Variants in RIMS1 observed in about 807,000 individuals in gnomAD.
RIMS1 encodes the protein regulating synaptic membrane exocytosis 1.
Under a neutral mutation model 214.1 loss-of-function variants are expected in RIMS1, and 83 were observed. The ratio of observed to expected loss-of-function variants is 0.39; its 90% CI spans 0.32 to 0.47. The LOEUF is 0.47. RIMS1 is among the 20% of genes least tolerant of loss of function. The probability of loss-of-function intolerance (pLI) is 0.99; values close to 1 mark genes in which losing one functional copy is unlikely to be tolerated. For missense variants in RIMS1, 2,050 were observed against 2,161.8 expected (o/e 0.95, Z 1.03); for synonymous variants, 793 against 786.8 (o/e 1.01, Z -0.13).
At chr6:72,269,503 A>G (rs1255927982) in intron 22 of RIMS1, among the ~76,000 whole-genome samples, 1 of 152,164 alleles carries the variant, frequency 6.6e-6, no homozygotes, top group African/African-American at 2.4e-5. Context: ...TGTCAGGCCT[A>G]AATTTCTAAA....
chr6:72,182,432 A>G lies in RIMS1; in HGVS notation c.961A>G (p.Lys321Glu), dbSNP rs2048522220. ...AAGGCGGGAAAGCCGAAGGCTTGAG[A>G]AAGGGCGATCACAGGATTACCCAGA... ...KERRESRRLE[K>E]GRSQDYPDTP... Residue 321 changes from lysine (K) to glutamate (E), a missense_variant, in exon 6 of 34, where the codon AAA becomes GAA. Lys to Glu is a moderately conservative substitution (Grantham distance 56). Around this residue, in one of 6 missense-constraint regions of RIMS1, gnomAD observed 882 missense variants for 828.9 expected, o/e 1.06. Transcript: ENST00000521978. 3 of 1,613,964 alleles carry G rather than the reference A, an allele frequency of 1.9e-6. No homozygotes were observed. The highest frequency in any genetic ancestry group is 2.5e-6 in the Non-Finnish European group (3 of 1,179,870).
chr6:72,294,828 A>G (rs1462674609), intron 26 of RIMS1, among the ~76,000 whole-genome samples: 1 of 151,778 alleles, frequency 6.6e-6, no homozygotes, highest in Non-Finnish European at 1.5e-5. Flanking sequence ...ATTATGTTGA[A>G]GTAGATTTAG....
intron 2 of RIMS1, among the ~76,000 whole-genome samples, chr6:72,072,138 G>T (rs1830718597): frequency 6.6e-6 from 1 of 152,134 alleles, no homozygotes. Context: ...ATGTTGAAGG[G>T]ATTTAAGGAT....
At chr6:71,945,751 CT>C (rs397776439) in intron 1 of RIMS1, among the ~76,000 whole-genome samples, 51 of 143,538 alleles carry the variant, frequency 3.6e-4, no homozygotes, top group Admixed American at 4.8e-4. Flanking sequence ...ATGATGTAAT[CT>C]TTTTTTTTTT....
intron 2 of RIMS1, among the ~76,000 whole-genome samples, chr6:72,045,422 A>G (rs1339427768): frequency 6.6e-6 from 1 of 151,964 alleles, no homozygotes; most frequent in Non-Finnish European, 1.5e-5. Context: ...TGAAGAAAAC[A>G]ATTTTTATTT....
chr6:72,324,027 C>G (rs897933430), intron 28 of RIMS1, among the ~76,000 whole-genome samples: 143 of 145,994 alleles, frequency 9.8e-4, no homozygotes, highest in African/African-American at 3.0e-3. Flanking sequence ...TGCATGCATG[C>G]ATAGATAGAT....
chr6:72,329,754 A>G (rs991559973), intron 28 of RIMS1, among the ~76,000 whole-genome samples: 1 of 151,636 alleles, frequency 6.6e-6, no homozygotes, highest in African/African-American at 2.4e-5. Flanking sequence ...CTTACTTCCA[A>G]GATTGGATAT....
intron 2 of RIMS1, among the ~76,000 whole-genome samples, chr6:71,982,504 C>G (rs1354288693): frequency 6.6e-6 from 1 of 152,092 alleles, no homozygotes. Context: ...CCCAACAAAC[C>G]CAAGCACAGT....
rs1444757930 is a variant in RIMS1, at chr6:72,163,037, G to A, written c.472-16538G>A. Reference sequence around the variant, plus strand: ...CTTTCAGGTATACCTATCAGATGTAGATTTGGTCTTTTCACATAGTCCCAT... The same window carrying A: ...CTTTCAGGTATACCTATCAGATGTAAATTTGGTCTTTTCACATAGTCCCAT... On this transcript the variant is annotated intron_variant, in intron 4 of 33. Coordinates refer to ENST00000521978, the MANE Select transcript of RIMS1 (RefSeq NM_014989.7). 1.5e-5 allele frequency among the ~76,000 whole-genome samples: 2 copies of A among 133,284 alleles called. 1 individual carries two copies. Among genetic ancestry groups the A allele is most frequent in the Non-Finnish European group, 3.5e-5 (2 of 57,424 alleles). The allele number at this position is 133,284 out of a possible 152,430, so 87.4% of individuals were successfully genotyped here.
chr6:72,195,971 T>C (rs12526042), intron 6 of RIMS1, among the ~76,000 whole-genome samples: 27,697 of 151,942 alleles, frequency 0.18, 3,067 homozygotes, highest in Non-Finnish European at 0.25. Context: ...TTGTGAGAAC[T>C]CACTATCATG....
chr6:72,197,196 A>G (rs1339336789), intron 6 of RIMS1, among the ~76,000 whole-genome samples: 1 of 152,088 alleles, frequency 6.6e-6, no homozygotes, highest in Non-Finnish European at 1.5e-5. Flanking sequence ...CTATTCACAA[A>G]TGTCAGAGAT....
rs2046476549 is a variant in RIMS1 at position 72,167,860 on chromosome 6, C to A, written c.472-11715C>A. Among the ~76,000 whole-genome samples, 2 of 151,184 alleles carry A rather than the reference C, an allele frequency of 1.3e-5. 1 individual carries two copies. The highest frequency in any genetic ancestry group is 4.2e-4 in the South Asian group (2 of 4,780). ...ATTTTATCAATTTTATTAATCCTTT[C>A]AATAAACAAATTTCTGGGTCCATTG... On this transcript the variant is annotated intron_variant, in intron 4 of 33. Transcript: ENST00000521978.
At chr6:72,303,338 CAA>C (rs1409404638) in intron 26 of RIMS1, among the ~76,000 whole-genome samples, 2 of 150,488 alleles carry the variant, frequency 1.3e-5, no homozygotes, top group Non-Finnish European at 3.0e-5. Context: ...ATAGGACAAA[CAA>C]GATTATAAAA....
intron 2 of RIMS1, among the ~76,000 whole-genome samples, chr6:72,001,716 A>T (rs1274733862): frequency 6.6e-6 from 1 of 152,158 alleles, no homozygotes; most frequent in African/African-American, 2.4e-5. Flanking sequence ...CAAACACGAC[A>T]TATTATGGTT....
At chr6:72,390,154 T>C (rs971356304) in intron 29 of RIMS1, among the ~76,000 whole-genome samples, 2 of 152,220 alleles carry the variant, frequency 1.3e-5, no homozygotes, top group African/African-American at 4.8e-5. Context: ...CTGTGGTATT[T>C]TTCAAACTGG....
chr6:72,214,455 C>T (rs768421548), intron 6 of RIMS1, among the ~76,000 whole-genome samples: 3 of 152,030 alleles, frequency 2.0e-5, no homozygotes, highest in Non-Finnish European at 2.9e-5. Context: ...TATATCAAGG[C>T]ACTTTGGGGA....
chr6:72,245,038 A>G lies in RIMS1; in HGVS notation c.2082-777A>G, dbSNP rs979278020. On this transcript the variant is annotated intron_variant, in intron 10 of 33. Coordinates refer to ENST00000521978, the MANE Select transcript of RIMS1 (RefSeq NM_014989.7). ...GAGAAGTAAAATAGTCCTATGCAGT[A>G]TAATACCTAAACCAAGGTGATCTAG... 4.6e-5 allele frequency among the ~76,000 whole-genome samples: 7 copies of G among 151,988 alleles called. No homozygotes were observed. The East Asian group carries it at 9.6e-4, about 21-fold the overall frequency.
intron 2 of RIMS1, among the ~76,000 whole-genome samples, chr6:72,027,119 C>CT (rs201602260): frequency 6.6e-6 from 1 of 152,110 alleles, no homozygotes; most frequent in African/African-American, 2.4e-5. Flanking sequence ...ACAGGCAAGA[C>CT]TTTTTTTATT....
intron 1 of RIMS1, among the ~76,000 whole-genome samples, chr6:71,906,808 A>G (rs752689977): frequency 6.6e-6 from 1 of 152,186 alleles, no homozygotes; most frequent in Non-Finnish European, 1.5e-5. Flanking sequence ...CAATGGTAAT[A>G]TATTAAGAAT....
Sources: gnomAD v4.1 joint callset for allele counts (sites outside exome capture counted in the v4.1 genomes callset) on GRCh38, gnomAD v4.1.1 for gene constraint, gnomAD v4.1.1 regional missense constraint, MANE v1.5 for transcripts, NCBI Gene and HGNC (gene_info 2026-07-23, HGNC 2026-07-21) for gene names.